LANCL3: variants seen among roughly 807,000 people sequenced by gnomAD.
LANCL3 encodes the protein LanC like family member 3, also known as lanC-like protein 3.
LANCL3 carries 19 observed loss-of-function variants against 26.5 expected under a neutral mutation model. The ratio of observed to expected loss-of-function variants is 0.72; its 90% CI spans 0.50 to 1.05. LANCL3 has a LOEUF of 1.05. Ranked by LOEUF, LANCL3 falls within the 50% of genes least tolerant of loss-of-function variation. The pLI is 0.00. For synonymous variants in LANCL3, 160 were observed against 166.6 expected, an observed-to-expected ratio of 0.96 and a Z score of 0.30; for missense variants, 318 against 362.7, an observed-to-expected ratio of 0.88 and a Z score of 1.00.
At chrX:37,617,179 C>T (rs1925032625) in intron 1 of LANCL3, among the ~76,000 whole-genome samples, 1 of 110,749 alleles carries the variant, frequency 9.0e-6, no homozygotes, top group Non-Finnish European at 1.9e-5. Context: ...GTTGGAGAGA[C>T]TGGTGAATGT....
intron 1 of LANCL3, among the ~76,000 whole-genome samples, chrX:37,650,387 C>T (rs2146775006): frequency 1.0e-5 from 1 of 98,571 alleles, no homozygotes. Flanking sequence ...ACCATAGATG[C>T]AGGTATCTTT....
At chrX:37,616,876 A>G (rs192956541) in intron 1 of LANCL3, among the ~76,000 whole-genome samples, 254 of 111,637 alleles carry the variant, frequency 2.3e-3, no homozygotes, top group Non-Finnish European at 3.8e-3. Flanking sequence ...CCTCAGACCC[A>G]CTGAATCTGA....
At chrX:37,581,164 G>A (rs1486745703) in intron 1 of LANCL3, among the ~76,000 whole-genome samples, 2 of 111,607 alleles carry the variant, frequency 1.8e-5, no homozygotes, top group African/African-American at 6.5e-5. Context: ...CAATTTTATG[G>A]GGTTGCCTGT....
At chrX:37,575,250 A>G (rs1214506469) in intron 1 of LANCL3, among the ~76,000 whole-genome samples, 12 of 110,982 alleles carry the variant, frequency 1.1e-4, no homozygotes, top group Non-Finnish European at 2.3e-4. Context: ...TACTTCCTCA[A>G]TGAGGCTTTT....
At chrX:37,597,988 C>A (rs1459358684) in intron 1 of LANCL3, among the ~76,000 whole-genome samples, 1 of 110,432 alleles carries the variant, frequency 9.1e-6, no homozygotes, top group African/African-American at 3.3e-5. Context: ...TACTCAGATA[C>A]TTTGTCCATT....
At chrX:37,585,008 A>G (rs111984994) in intron 1 of LANCL3, among the ~76,000 whole-genome samples, 6,118 of 111,399 alleles carry the variant, frequency 0.055, 417 homozygotes, top group African/African-American at 0.19. Context: ...CTTTGTTCTC[A>G]TTGGTTTCAG....
intron 1 of LANCL3, among the ~76,000 whole-genome samples, chrX:37,593,337 A>C (rs782455903): frequency 8.9e-6 from 1 of 111,998 alleles, no homozygotes; most frequent in South Asian, 3.8e-4. Context: ...GATTTAGCCA[A>C]ATAATGTGAT....
chrX:37,596,922 T>G (rs782788736), intron 1 of LANCL3, among the ~76,000 whole-genome samples: 115 of 112,173 alleles, frequency 1.0e-3, no homozygotes, highest in African/African-American at 3.6e-3. Context: ...CACAGTCAAT[T>G]TTAGATTTTC....
At chrX:37,623,604 A>C (rs1602112359) in intron 1 of LANCL3, among the ~76,000 whole-genome samples, 1 of 112,548 alleles carries the variant, frequency 8.9e-6, no homozygotes, top group South Asian at 3.6e-4. Flanking sequence ...AAATACTTTT[A>C]GTACTGTTCA....
intron 1 of LANCL3, among the ~76,000 whole-genome samples, chrX:37,586,950 A>T (rs782289773): frequency 1.4e-4 from 16 of 111,806 alleles, no homozygotes; most frequent in African/African-American, 4.5e-4. Flanking sequence ...GTCTTTGATG[A>T]TGGTGATGTA....
At chrX:37,587,272 G>T (rs182804764) in intron 1 of LANCL3, among the ~76,000 whole-genome samples, 1 of 112,649 alleles carries the variant, frequency 8.9e-6, no homozygotes, top group South Asian at 3.7e-4. Flanking sequence ...CAGTCTGTCC[G>T]TTCTCAGATT....
At chrX:37,620,639 G>A (rs1925129665) in intron 1 of LANCL3, among the ~76,000 whole-genome samples, 1 of 111,526 alleles carries the variant, frequency 9.0e-6, no homozygotes, top group African/African-American at 3.3e-5. Flanking sequence ...ATTGCCGATG[G>A]CCCCACTTCC....
At chrX:37,585,885 C>T (rs1924060499) in intron 1 of LANCL3, among the ~76,000 whole-genome samples, 1 of 111,977 alleles carries the variant, frequency 8.9e-6, no homozygotes, top group South Asian at 3.8e-4. Context: ...CAGTTTCTTC[C>T]TAGCCTTGAT....
intron 1 of LANCL3, among the ~76,000 whole-genome samples, chrX:37,637,727 T>A (rs1556425487): frequency 8.9e-6 from 1 of 112,054 alleles, no homozygotes; most frequent in Non-Finnish European, 1.9e-5. Flanking sequence ...GAAGTGAGAT[T>A]TTCTATTCAT....
intron 1 of LANCL3, among the ~76,000 whole-genome samples, chrX:37,635,080 G>T (rs1355770478): frequency 9.0e-6 from 1 of 110,900 alleles, no homozygotes; most frequent in Non-Finnish European, 1.9e-5. Flanking sequence ...CTTGAAAACT[G>T]GAAGTGAAAA....
At chrX:37,587,764 C>T (rs1332961918) in intron 1 of LANCL3, among the ~76,000 whole-genome samples, 8 of 112,183 alleles carry the variant, frequency 7.1e-5, no homozygotes, top group African/African-American at 2.3e-4. Context: ...GATGCCTCAC[C>T]CTGCTTTGGC....
intron 1 of LANCL3, among the ~76,000 whole-genome samples, chrX:37,639,901 T>C (rs1183111340): frequency 8.9e-6 from 1 of 112,046 alleles, no homozygotes; most frequent in African/African-American, 3.2e-5. Flanking sequence ...ATTTCTTTCA[T>C]ATGTCCATCC....
intron 1 of LANCL3, 77 bp from the exon 2 acceptor site, chrX:37,655,608 ACTT>A: frequency 1.2e-6 from 1 of 867,546 alleles, no homozygotes; most frequent in East Asian, 3.5e-5. Context: ...ATGATGCTAG[ACTT>A]CTTAAGCAAG....
chrX:37,620,934 C>T (rs1425835287), intron 1 of LANCL3, among the ~76,000 whole-genome samples: 1 of 111,572 alleles, frequency 9.0e-6, no homozygotes, highest in Non-Finnish European at 1.9e-5. Flanking sequence ...CTCACCATCG[C>T]ATGCATGCTC....
Sources: allele counts gnomAD v4.1 joint callset (sites outside exome capture counted in the v4.1 genomes callset), GRCh38; gene constraint gnomAD v4.1.1; transcripts MANE v1.5; gene names NCBI Gene and HGNC (gene_info 2026-07-23, HGNC 2026-07-21).